ASMT: variants seen among roughly 807,000 people sequenced by gnomAD.
ASMT encodes the protein acetylserotonin O-methyltransferase, also known as acetylserotonin N-methyltransferase.
ASMT carries 53 observed loss-of-function variants against 41.3 expected under a neutral mutation model. That is an observed-to-expected ratio of 1.28 (90% CI 1.03 to 1.61). The LOEUF is 1.61. Ranked by LOEUF, ASMT falls within the 40% of genes most tolerant of loss-of-function variation. The pLI is 0.00. For synonymous variants in ASMT, 231 were observed against 184.8 expected (o/e 1.25, Z -2.03); for missense variants, 531 against 441.3 (o/e 1.20, Z -1.82).
At chrX:1,631,261 G>C (rs766300130) in intron 5 of ASMT, among the ~76,000 whole-genome samples, 1 of 151,698 alleles carries the variant, frequency 6.6e-6, no homozygotes, top group East Asian at 2.0e-4. Flanking sequence ...TGTTGCCCTG[G>C]CTGGTCTCAG....
At chrX:1,615,742 C>T (rs1394542866) in intron 1 of ASMT, among the ~76,000 whole-genome samples, 2 of 151,418 alleles carry the variant, frequency 1.3e-5, no homozygotes, top group South Asian at 2.1e-4. Context: ...GCGGAGGTTG[C>T]AGTGAGCCGA....
At chrX:1,615,780 G>T (rs193133721) in intron 1 of ASMT, among the ~76,000 whole-genome samples, 1,660 of 151,000 alleles carry the variant, frequency 0.011, 20 homozygotes, top group African/African-American at 0.033. Flanking sequence ...CCCGCCTGGG[G>T]GACACAGCAA....
intron 5 of ASMT, among the ~76,000 whole-genome samples, chrX:1,631,064 C>T (rs1176287913): frequency 7.2e-6 from 1 of 138,752 alleles, no homozygotes; most frequent in African/African-American, 2.6e-5. Context: ...GCGCCCGCCA[C>T]CACGCCCAGC....
Position 1,636,994 on chromosome X carries a change from C to CTGTG in ASMT, c.910+439_910+442dup, listed in dbSNP as rs1335719904. ...GCACATGAGGATGTGGGCACAGCCT[C>CTGTG]TGTGTGTGATGGGGACAGTGTCCCA... On this transcript the variant is annotated intron_variant, in intron 8 of 8. Transcript: ENST00000381241. Among the ~76,000 whole-genome samples, 46 of 55,508 alleles carry CTGTG rather than the reference C, an allele frequency of 8.3e-4. 3 individuals are homozygous for CTGTG. The highest frequency in any genetic ancestry group is 3.2e-3 in the African/African-American group (39 of 12,080). The allele number at this position is 55,508 out of a possible 152,430, so 36.4% of individuals were successfully genotyped here.
At chrX:1,629,608 A>G (rs185765763) in intron 4 of ASMT, among the ~76,000 whole-genome samples, 1 of 152,270 alleles carries the variant, frequency 6.6e-6, no homozygotes, top group East Asian at 1.9e-4. Context: ...TCCGTTCTGA[A>G]TCAACTCCAG....
At chrX:1,618,626 G>A (rs1437028852) in intron 1 of ASMT, among the ~76,000 whole-genome samples, 4 of 146,862 alleles carry the variant, frequency 2.7e-5, no homozygotes, top group African/African-American at 5.4e-5. Flanking sequence ...TGGTAGAGAC[G>A]GGGTTTCATC....
chrX:1,635,990 C>T (rs1934944682), intron 7 of ASMT, among the ~76,000 whole-genome samples: 1 of 149,666 alleles, frequency 6.7e-6, no homozygotes, highest in Admixed American at 6.7e-5. Flanking sequence ...GACAGTCTCG[C>T]TGTCGCCCAG....
intron 8 of ASMT, among the ~76,000 whole-genome samples, chrX:1,642,039 G>A (rs1325730201): frequency 2.7e-5 from 4 of 147,388 alleles, no homozygotes; most frequent in Non-Finnish European, 6.0e-5. Context: ...GCATCCCAGT[G>A]TCCTGTGAGG....
intron 4 of ASMT, among the ~76,000 whole-genome samples, chrX:1,629,565 G>C (rs1934691748): frequency 6.6e-6 from 1 of 152,152 alleles, no homozygotes; most frequent in Admixed American, 6.6e-5. Context: ...CTCCTCTTCA[G>C]ATAGAAATCC....
chrX:1,628,666 C>T (rs1280961363), intron 4 of ASMT, among the ~76,000 whole-genome samples: 2 of 149,770 alleles, frequency 1.3e-5, no homozygotes, highest in South Asian at 4.3e-4. Context: ...CTCTCTTTCT[C>T]TCCTTTTCCT....
Position 1,615,388 on chromosome X carries a change from C to A in ASMT, c.69+120C>A, listed in dbSNP as rs1417979771. 28 of 1,036,760 alleles carry A rather than the reference C, an allele frequency of 2.7e-5. No individual in the cohort carries two copies. In the South Asian group the frequency reaches 2.8e-4, roughly 11 times the overall value. 64.2% of individuals were successfully genotyped at this position (1,036,760 alleles called of 1,614,324 possible). A position where few individuals can be genotyped will look rare whatever the true frequency, so the allele number is the denominator to read the frequency against. ...ATCATTTTAGGAGGTTTATTTTCCACCGTGAAAGACGTACACCCACGATGT... is the reference window on the plus strand; with the variant it reads ...ATCATTTTAGGAGGTTTATTTTCCAACGTGAAAGACGTACACCCACGATGT... On this transcript the variant is annotated intron_variant, in intron 1 of 8. Transcript: ENST00000381241.
rs779707703 is a variant in ASMT at position 1,622,866 on chromosome X, C to T, written c.70-273C>T. Among the ~76,000 whole-genome samples the T allele has an allele frequency of 2.0e-5, 3 of 151,668 alleles. No individual in the cohort carries two copies. The South Asian group carries it at 6.3e-4, about 32-fold the overall frequency. On this transcript the variant is annotated intron_variant, in intron 1 of 8. Coordinates refer to ENST00000381241, the MANE Select transcript of ASMT (RefSeq NM_001171038.2). ...GGCAGAGGTTGCAGTGAGCCGAGAC[C>T]GCACCACTGCCCTCCAGCCTGGGTG...
At chrX:1,615,326 C>T (rs140884933) in intron 1 of ASMT, 58 bp downstream of exon 1, 2 of 1,455,364 alleles carry the variant, frequency 1.4e-6, no homozygotes, top group Non-Finnish European at 1.9e-6. Context: ...CACTCACGTT[C>T]CATTGTTGTG....
At chrX:1,629,038 CCTTT>C (rs61574246) in intron 4 of ASMT, among the ~76,000 whole-genome samples, 88 of 149,766 alleles carry the variant, frequency 5.9e-4, no homozygotes, top group Non-Finnish European at 9.9e-4. Flanking sequence ...CTCCCTCCCT[CCTTT>C]CTTTCTTTTT....
At chrX:1,636,773 C>T (rs5949028) in intron 8 of ASMT, among the ~76,000 whole-genome samples, 63,036 of 152,066 alleles carry the variant, frequency 0.41, 13,317 homozygotes, top group East Asian at 0.69. Flanking sequence ...AAGTGAAAGG[C>T]CCTCTGAAAC....
At chrX:1,624,157 G>C in intron 2 of ASMT, 112 bp from the exon 3 acceptor site, 1 of 1,415,018 alleles carries the variant, frequency 7.1e-7, no homozygotes, top group South Asian at 1.2e-5. Context: ...CTCTAAAGAA[G>C]AGATGGGCTT....
In ASMT at chrX:1,627,684, C is replaced by A. The variant is rs1487287104; in HGVS notation, c.375-19C>A. On this transcript the variant is annotated intron_variant, in intron 3 of 8. Transcript: ENST00000381241. ...GAAATGAAATGAAATGAAAATCAGCCTTCTCTCTCTTTTCTTAGAGAAGGA... is the reference window on the plus strand; with the variant it reads ...GAAATGAAATGAAATGAAAATCAGCATTCTCTCTCTTTTCTTAGAGAAGGA... 6.4e-7 allele frequency: 1 copy of A among 1,573,506 alleles called. No individual in the cohort carries two copies.
At chrX:1,636,415 G>A (rs371024471) in intron 7 of ASMT, 23 bp from the exon 8 acceptor site, 14 of 1,613,734 alleles carry the variant, frequency 8.7e-6, no homozygotes, top group Middle Eastern at 3.3e-4. Flanking sequence ...GGCTGACCTC[G>A]GTGTGCCTGC....
chrX:1,630,969 GGT>G, intron 5 of ASMT, among the ~76,000 whole-genome samples: 1 of 144,184 alleles, frequency 6.9e-6, no homozygotes, highest in Non-Finnish European at 1.5e-5. Context: ...GGAATGCAGT[GGT>G]GCAATCTCCA....
Sources: allele counts gnomAD v4.1 joint callset (sites outside exome capture counted in the v4.1 genomes callset), GRCh38; gene constraint gnomAD v4.1.1; transcripts MANE v1.5; gene names NCBI Gene and HGNC (gene_info 2026-07-23, HGNC 2026-07-21).